Variants in PRKG1 observed in about 807,000 individuals in gnomAD.
PRKG1 encodes the protein protein kinase cGMP-dependent 1, also known as cGMP-dependent protein kinase 1.
PRKG1 carries 35 observed loss-of-function variants against 88.1 expected under a neutral mutation model. That is an observed-to-expected ratio of 0.40 (90% CI 0.30 to 0.53). The LOEUF (loss-of-function observed/expected upper bound fraction) is 0.53. Among genes scored for constraint, PRKG1 ranks in the 20% least tolerant of loss-of-function variants. The pLI is 0.59. For missense variants in PRKG1, 540 were observed against 839.8 expected (o/e 0.64, Z 4.41); for synonymous variants, 303 against 292.5 (o/e 1.04, Z -0.37).
At chr10:52,181,419 C>CTTT (rs761799361) in intron 9 of PRKG1, among the ~76,000 whole-genome samples, 955 of 51,872 alleles carry the variant, frequency 0.018, no homozygotes, top group Middle Eastern at 0.065. Context: ...CACAGCTCTT[C>CTTT]TTTTTTTTTT....
At chr10:51,840,024 C>T (rs559710745) in intron 4 of PRKG1, among the ~76,000 whole-genome samples, 1 of 152,200 alleles carries the variant, frequency 6.6e-6, no homozygotes, top group Non-Finnish European at 1.5e-5. Context: ...TAATTTAGAT[C>T]AGCAGTTCAG....
At chr10:51,215,033 CG>C (rs1838334335) in intron 2 of PRKG1, among the ~76,000 whole-genome samples, 1 of 152,114 alleles carries the variant, frequency 6.6e-6, no homozygotes, top group African/African-American at 2.4e-5. Flanking sequence ...CAAGTTACAG[CG>C]TGGGCGGCTA....
intron 1 of PRKG1, among the ~76,000 whole-genome samples, chr10:51,088,903 C>T (rs1229585764): frequency 6.8e-6 from 1 of 146,270 alleles, no homozygotes; most frequent in Non-Finnish European, 1.5e-5. Context: ...ACAGTTTAAA[C>T]ATTGGAAACC....
At chr10:51,970,367 T>TTTAA (rs1843678645) in intron 5 of PRKG1, among the ~76,000 whole-genome samples, 2 of 151,794 alleles carry the variant, frequency 1.3e-5, no homozygotes, top group Admixed American at 6.6e-5. Context: ...CTTTAACCTC[T>TTTAA]TTAATCTAGA....
chr10:52,096,566 C>T (rs1293263184), intron 7 of PRKG1, among the ~76,000 whole-genome samples: 2 of 152,154 alleles, frequency 1.3e-5, no homozygotes, highest in African/African-American at 4.8e-5. Context: ...AACAGTTGGA[C>T]ACTTGCTTCG....
intron 2 of PRKG1, among the ~76,000 whole-genome samples, chr10:51,155,341 A>G (rs1458231772): frequency 3.3e-5 from 5 of 152,082 alleles, no homozygotes; most frequent in African/African-American, 9.7e-5. Context: ...GAAAATGCCC[A>G]ACACATAGAA....
chr10:51,944,991 T>C (rs879766128), intron 5 of PRKG1, among the ~76,000 whole-genome samples: 3 of 151,364 alleles, frequency 2.0e-5, no homozygotes, highest in African/African-American at 4.9e-5. Context: ...CAGAGCTGAG[T>C]TCAATTCCTG....
intron 1 of PRKG1, among the ~76,000 whole-genome samples, chr10:51,038,528 A>C (rs1392507038): frequency 6.6e-6 from 1 of 152,116 alleles, no homozygotes; most frequent in African/African-American, 2.4e-5. Flanking sequence ...CTCTATCTCC[A>C]TGAATTCAAT....
chr10:51,189,290 T>C (rs1837573907), intron 2 of PRKG1, among the ~76,000 whole-genome samples: 1 of 151,986 alleles, frequency 6.6e-6, no homozygotes, highest in South Asian at 2.1e-4. Context: ...TTGAAAGTTT[T>C]GAGTTTTCTG....
intron 2 of PRKG1, among the ~76,000 whole-genome samples, chr10:51,403,250 G>A (rs755765221): frequency 2.0e-5 from 3 of 152,098 alleles, no homozygotes; most frequent in Non-Finnish European, 2.9e-5. Flanking sequence ...AGTTAAATAC[G>A]TGCAAAGAGA....
chr10:52,238,486 C>T (rs2132370626), intron 9 of PRKG1, among the ~76,000 whole-genome samples: 1 of 152,084 alleles, frequency 6.6e-6, no homozygotes, highest in African/African-American at 2.4e-5. Flanking sequence ...AAGAAACAAA[C>T]AACCCCATCA....
chr10:51,070,266 G>T (rs2132796126), upstream of PRKG1, among the ~76,000 whole-genome samples: 1 of 152,188 alleles, frequency 6.6e-6, no homozygotes, highest in Non-Finnish European at 1.5e-5. Context: ...AACTTATAGG[G>T]TTGTATGAAC....
intron 4 of PRKG1, among the ~76,000 whole-genome samples, chr10:51,858,388 A>AT (rs1308310592): frequency 2.8e-5 from 1 of 35,248 alleles, no homozygotes; most frequent in African/African-American, 8.1e-5. Flanking sequence ...AAATATATAT[A>AT]TAATATATAT....
At position 50,991,652 on chromosome 10, in the gene PRKG1, C is replaced by A; in HGVS notation, c.266+8C>A. ...GTTCACCAAGTCCGAAAGGTAGGCG[C>A]GGAGGCCGTGGGCCCGGGCGCTCGT... On this transcript the variant is annotated splice_region_variant and intron_variant, in intron 1 of 17. Coordinates refer to the PRKG1 transcript ENST00000401604. This position sits in a 1 kb window ranked among gnomAD's most constrained non-coding sequence, Gnocchi z 4.5. 6.7e-7 allele frequency: 1 copy of A among 1,501,944 alleles called. No homozygotes were observed. The highest frequency in any genetic ancestry group is 8.9e-7 in the Non-Finnish European group (1 of 1,122,952). 93.0% of individuals were successfully genotyped at this position (1,501,944 alleles called of 1,614,324 possible). A position where few individuals can be genotyped will look rare whatever the true frequency, so the allele number is the denominator to read the frequency against.
chr10:51,267,653 A>G (rs1296284821), intron 2 of PRKG1, among the ~76,000 whole-genome samples: 1 of 152,194 alleles, frequency 6.6e-6, no homozygotes, highest in African/African-American at 2.4e-5. Flanking sequence ...TTATATAAAA[A>G]TCAACTCAAG....
chr10:51,439,318 G>A (rs1349534560), intron 2 of PRKG1, among the ~76,000 whole-genome samples: 1 of 151,844 alleles, frequency 6.6e-6, no homozygotes, highest in Non-Finnish European at 1.5e-5. Context: ...TACTTTGGGT[G>A]TGTTGCAAGG....
intron 1 of PRKG1, among the ~76,000 whole-genome samples, chr10:51,032,715 C>T (rs1444589008): frequency 6.6e-6 from 1 of 151,982 alleles, no homozygotes; most frequent in Non-Finnish European, 1.5e-5. Context: ...GCTGAGACTG[C>T]GACACTGCAC....
chr10:51,688,565 C>CTTT (rs35034840), intron 3 of PRKG1, among the ~76,000 whole-genome samples: 16 of 123,740 alleles, frequency 1.3e-4, no homozygotes, highest in South Asian at 2.6e-4. Context: ...AGTAACAATC[C>CTTT]TTTTTTTTTT....
intron 8 of PRKG1, among the ~76,000 whole-genome samples, chr10:52,148,056 T>G (rs1439783944): frequency 6.6e-6 from 1 of 152,156 alleles, no homozygotes; most frequent in African/African-American, 2.4e-5. Flanking sequence ...TGGGAAAACT[T>G]AAATCAGTGT....
Sources: allele counts gnomAD v4.1 joint callset (sites outside exome capture counted in the v4.1 genomes callset), GRCh38; gene constraint gnomAD v4.1.1; non-coding constraint Gnocchi (gnomAD v3.1); transcripts MANE v1.5; gene names NCBI Gene and HGNC (gene_info 2026-07-23, HGNC 2026-07-21).